ZMYM1: variants seen among roughly 807,000 people sequenced by gnomAD.
ZMYM1 encodes the protein zinc finger MYM-type containing 1, also known as zinc finger MYM-type protein 1.
Under a neutral mutation model 60.0 loss-of-function variants are expected in ZMYM1, and 39 were observed. The observed-to-expected ratio is 0.65, with a 90% confidence interval of 0.50 to 0.85. The LOEUF is 0.85. ZMYM1 is among the 40% of genes least tolerant of loss of function. The pLI is 0.00. For missense variants in ZMYM1, 1,171 were observed against 1,309.5 expected (o/e 0.89, Z 1.63); for synonymous variants, 413 against 454.0 (o/e 0.91, Z 1.15).
At chr1:35,091,293 A>C (rs1642983260) in intron 1 of ZMYM1, among the ~76,000 whole-genome samples, 1 of 151,928 alleles carries the variant, frequency 6.6e-6, no homozygotes, top group African/African-American at 2.4e-5. Flanking sequence ...GCTCACTGCA[A>C]GCTCCGTCTC....
At chr1:35,094,168 G>A in intron 2 of ZMYM1, 85 bp downstream of exon 2, 1 of 1,182,830 alleles carries the variant, frequency 8.5e-7, no homozygotes, top group Non-Finnish European at 1.2e-6. Context: ...ATGATTCATT[G>A]AAAAACTCAA....
At position 35,061,820 on chromosome 1, in the gene ZMYM1, T is replaced by TTTTATTTATTTA. The variant is rs200627689; in HGVS notation, c.-301+1911_-301+1922dup. On this transcript the variant is annotated intron_variant, in intron 1 of 10. Transcript: ENST00000417119. ...TATAGACATCTTATTTCCCTTTTAT[T>TTTTATTTATTTA]TTTATTTATTTATTTATTTATTTAT... Among the ~76,000 whole-genome samples the TTTTATTTATTTA allele has an allele frequency of 9.8e-4, 143 of 145,636 alleles. 1 individual carries two copies. The highest frequency in any genetic ancestry group is 3.5e-3 in the African/African-American group (130 of 37,122).
chr1:35,112,211 T>C (rs1326183941), intron 9 of ZMYM1, 81 bp downstream of exon 9: 2 of 1,425,426 alleles, frequency 1.4e-6, no homozygotes, highest in Non-Finnish European at 2.0e-6. Flanking sequence ...AGAGTCTCGC[T>C]CTGCCACCCA....
intron 1 of ZMYM1, among the ~76,000 whole-genome samples, chr1:35,092,296 G>C (rs144497144): frequency 0.015 from 2,330 of 151,624 alleles, 56 homozygotes; most frequent in African/African-American, 0.051. Flanking sequence ...GCAGTGGTGC[G>C]ATCTCAGTTC....
At chr1:35,065,599 C>T (rs1268600557) in intron 1 of ZMYM1, among the ~76,000 whole-genome samples, 3 of 150,082 alleles carry the variant, frequency 2.0e-5, no homozygotes, top group Non-Finnish European at 4.4e-5. Flanking sequence ...GGCATTAATT[C>T]GTTAGAAAAG....
chr1:35,068,649 A>ATATAT (rs1553136326), intron 1 of ZMYM1, among the ~76,000 whole-genome samples: 3 of 145,232 alleles, frequency 2.1e-5, no homozygotes, highest in Non-Finnish European at 3.0e-5. Flanking sequence ...CAAAAAAAAA[A>ATATAT]ATATATATAT....
At chr1:35,094,931 G>T (rs1295063469) in intron 2 of ZMYM1, among the ~76,000 whole-genome samples, 1 of 152,054 alleles carries the variant, frequency 6.6e-6, no homozygotes, top group Non-Finnish European at 1.5e-5. Flanking sequence ...ACTAAAAAGG[G>T]TAATTTATTT....
downstream of ZMYM1, among the ~76,000 whole-genome samples, chr1:35,116,578 C>T (rs1434448477): frequency 6.6e-6 from 1 of 152,186 alleles, no homozygotes; most frequent in African/African-American, 2.4e-5. Flanking sequence ...CTGCCTCAGC[C>T]TCCCAAGTAG....
At chr1:35,095,726 T>C in intron 2 of ZMYM1, 93 bp from the exon 3 acceptor site, 1 of 1,093,638 alleles carries the variant, frequency 9.1e-7, no homozygotes, top group Admixed American at 2.6e-5. Context: ...TTGACCAGAC[T>C]TGACCACAAT....
intron 1 of ZMYM1, among the ~76,000 whole-genome samples, chr1:35,062,949 G>A (rs998920963): frequency 1.3e-5 from 2 of 152,110 alleles, no homozygotes; most frequent in Non-Finnish European, 2.9e-5. Flanking sequence ...TTTACACAAC[G>A]GAAGTTTATT....
Position 35,114,071 on chromosome 1 carries a change from A to C in ZMYM1, c.2241A>C (p.Ala747=). ...EPRALYIHCY[A]HFLDLSIIRF... is the part of the protein sequence containing the mutation. ...GAGCTTTATACATACATTGTTATGC[A>C]CACTTTTTGGATTTATCAATAATTA... The change falls in exon 10 of 10, where the codon GCA becomes GCC. Residue 747 remains alanine (A), a synonymous_variant. Coordinates refer to ENST00000359858, the MANE Select transcript of ZMYM1 (RefSeq NM_024772.5). 6.2e-7 allele frequency: 1 copy of C among 1,611,838 alleles called. No homozygotes were observed. The highest frequency in any genetic ancestry group is 8.5e-7 in the Non-Finnish European group (1 of 1,179,406).
At position 35,115,083 on chromosome 1, in the gene ZMYM1, A is replaced by G. The variant is rs1644224357; in HGVS notation, c.3253A>G (p.Asn1085Asp). ...GCCAATTACTTCAGCAAGTACTGAG[A>G]ACTCATTTTCTACCCTGCCTCGTCT... The part of the protein sequence containing the change: ...SWPITSASTE[N>D]SFSTLPRLKT... The change falls in exon 10 of 10, where the codon AAC becomes GAC. Residue 1085 changes from asparagine to aspartate, a missense_variant. Transcript: ENST00000359858. 9.9e-6 allele frequency: 16 copies of G among 1,614,122 alleles called. No homozygotes were observed. The highest frequency in any genetic ancestry group is 1.4e-5 in the Non-Finnish European group (16 of 1,179,984).
rs761195432 is a variant in ZMYM1 at position 35,094,072 on chromosome 1, G to A, written c.85G>A (p.Asp29Asn). 25 of 1,608,316 alleles carry A rather than the reference G, an allele frequency of 1.6e-5. No individual in the cohort carries two copies. In the Middle Eastern group the frequency reaches 4.9e-4, roughly 32 times the overall value. ...GLLDEIKTEP[D>N]NAQEYCHRQQ... is the part of the protein sequence containing the mutation. Reference sequence around the variant, plus strand: ...GCTAGATGAAATTAAGACAGAACCCGACAATGCTCAAGTAAATATTTTCCC... The same window carrying A: ...GCTAGATGAAATTAAGACAGAACCCAACAATGCTCAAGTAAATATTTTCCC... Residue 29 changes from aspartate to asparagine, a missense_variant, in exon 2 of 10, where the codon GAC becomes AAC. By Grantham distance (23) the Asp-to-Asn change is conservative (BLOSUM62 1). Coordinates refer to ENST00000359858, the MANE Select transcript of ZMYM1 (RefSeq NM_024772.5).
Position 35,114,191 on chromosome 1 carries a change from T to C in ZMYM1, c.2361T>C (p.Asn787=). The change falls in exon 10 of 10, where the codon AAT becomes AAC. Residue 787 remains asparagine (N), a synonymous_variant. Coordinates refer to ENST00000359858, the MANE Select transcript of ZMYM1 (RefSeq NM_024772.5). ...TICMSGEMLA[N]FRNIYRLSQN... is the part of the protein sequence containing the mutation. Reference sequence around the variant, plus strand: ...GTATGTCTGGGGAAATGTTGGCAAATTTTCGAAACATTTATAGGCTAAGTC... The same window carrying C: ...GTATGTCTGGGGAAATGTTGGCAAACTTTCGAAACATTTATAGGCTAAGTC... 6.2e-7 allele frequency: 1 copy of C among 1,611,496 alleles called. No homozygotes were observed. Among genetic ancestry groups the C allele is most frequent in the Middle Eastern group, 1.7e-4 (1 of 6,040 alleles).
Position 35,104,299 on chromosome 1 carries a change from AT to A in ZMYM1, c.428del (p.Leu143Ter). 6.4e-7 allele frequency: 1 copy of A among 1,573,232 alleles called. No individual in the cohort carries two copies. The highest frequency in any genetic ancestry group is 8.6e-7 in the Non-Finnish European group (1 of 1,163,896). ...GTCCTTGTTATTTATTCTTAGAGAC[AT>A]TTTAAATCCAAAGGATGTGATTAGT... ...KRTCSNCSKD[I>X]LNPKDVISVQ... On this transcript the variant is annotated frameshift_variant, in exon 5 of 10. Coordinates refer to ENST00000359858, the MANE Select transcript of ZMYM1 (RefSeq NM_024772.5). LOFTEE classifies it high-confidence loss of function.
At chr1:35,097,219 G>C (rs974636911) in intron 3 of ZMYM1, 98 bp from the exon 4 acceptor site, 6 of 1,378,300 alleles carry the variant, frequency 4.4e-6, no homozygotes, top group Non-Finnish European at 5.9e-6. Context: ...AACAGAACAA[G>C]ACCCTGTCTC....
chr1:35,114,107 A>G lies in ZMYM1; in HGVS notation c.2277A>G (p.Lys759=). Residue 759 remains lysine, a synonymous_variant, in exon 10 of 10, where the codon AAA becomes AAG. Transcript: ENST00000359858. The part of the protein sequence containing the change: ...FLDLSIIRFC[K]EVKELRSALK... ...ATTTATCAATAATTAGGTTTTGTAA[A>G]GAAGTAAAAGAACTCCGAAGTGCTC... 6.2e-7 allele frequency: 1 copy of G among 1,612,962 alleles called. No individual in the cohort carries two copies. The highest frequency in any genetic ancestry group is 1.1e-5 in the South Asian group (1 of 90,710).
At chr1:35,090,719 G>A (rs1416741373) in intron 1 of ZMYM1, among the ~76,000 whole-genome samples, 1 of 152,116 alleles carries the variant, frequency 6.6e-6, no homozygotes, top group Non-Finnish European at 1.5e-5. Flanking sequence ...GGCCGAGGTG[G>A]GCGGATCACC....
rs771485650 is a variant in ZMYM1 at position 35,113,700 on chromosome 1, A to G, written c.1870A>G (p.Ile624Val). 15 of 1,613,806 alleles carry G rather than the reference A, an allele frequency of 9.3e-6. No homozygotes were observed. In the East Asian group the frequency reaches 3.1e-4, roughly 34 times the overall value. The change falls in exon 10 of 10, where the codon ATA (isoleucine) becomes GTA (valine). Residue 624 changes from isoleucine to valine, a missense_variant. Coordinates refer to ENST00000359858, the MANE Select transcript of ZMYM1 (RefSeq NM_024772.5). ...ACAAATTCAAAGTGATATTATCGAA[A>G]TAATAAAGACTGAAATGTTGCAGGA... is the stretch of plus-strand genomic sequence containing the variant. Reference protein sequence around the residue: ...STQIQSDIIEIIKTEMLQDIV... With the variant: ...STQIQSDIIEVIKTEMLQDIV...
Sources: gnomAD v4.1 joint callset for allele counts (sites outside exome capture counted in the v4.1 genomes callset) on GRCh38, gnomAD v4.1.1 for gene constraint, MANE v1.5 for transcripts, NCBI Gene and HGNC (gene_info 2026-07-23, HGNC 2026-07-21) for gene names.